Variants in ROBO1 observed in about 807,000 individuals in gnomAD.
ROBO1 encodes roundabout homolog 1.
ROBO1 carries 149 observed loss-of-function variants against 195.9 expected under a neutral mutation model. That is an observed-to-expected ratio of 0.76 (90% CI 0.67 to 0.87). The LOEUF (loss-of-function observed/expected upper bound fraction) is 0.87, where lower values mean the gene tolerates loss of function less well. Among genes scored for constraint, ROBO1 ranks in the 40% least tolerant of loss-of-function variants. The pLI is 0.00. For missense variants in ROBO1, 1,933 were observed against 2,068.3 expected (o/e 0.93, Z 1.27); for synonymous variants, 816 against 733.2 (o/e 1.11, Z -1.82).
chr3:78,714,649 A>C, intron 7 of ROBO1, 125 bp from the exon 8 acceptor site: 1 of 842,110 alleles, frequency 1.2e-6, no homozygotes, highest in Non-Finnish European at 1.7e-6. Context: ...AAAGAGTAAA[A>C]CATGGTATTC....
intron 4 of ROBO1, among the ~76,000 whole-genome samples, chr3:78,748,714 G>T (rs2082718416): frequency 6.6e-6 from 1 of 151,412 alleles, no homozygotes; most frequent in Non-Finnish European, 1.5e-5. Context: ...GTATCCATTC[G>T]AGTAAGTTAT....
At chr3:79,096,093 A>T (rs1011200662) in intron 3 of ROBO1, among the ~76,000 whole-genome samples, 4 of 152,048 alleles carry the variant, frequency 2.6e-5, no homozygotes, top group African/African-American at 9.7e-5. Context: ...CCTTAAAAGA[A>T]GGAATTTTAG....
chr3:79,080,253 G>A (rs962956994), intron 3 of ROBO1, among the ~76,000 whole-genome samples: 3 of 151,466 alleles, frequency 2.0e-5, no homozygotes, highest in South Asian at 2.1e-4. Flanking sequence ...TTTCAGTTAC[G>A]TTGTTTTGGT....
chr3:79,512,110 T>C (rs1243719661), intron 2 of ROBO1, among the ~76,000 whole-genome samples: 2 of 152,152 alleles, frequency 1.3e-5, no homozygotes, highest in African/African-American at 2.4e-5. Context: ...GATAGTAATG[T>C]CTACACATCG....
At chr3:79,139,786 C>T (rs2080485935) in intron 2 of ROBO1, among the ~76,000 whole-genome samples, 2 of 152,098 alleles carry the variant, frequency 1.3e-5, no homozygotes, top group African/African-American at 4.8e-5. Context: ...CCCACTTTGC[C>T]CTGGTATTCA....
At chr3:78,677,625 T>G (rs1575910556) in intron 10 of ROBO1, among the ~76,000 whole-genome samples, 1 of 151,442 alleles carries the variant, frequency 6.6e-6, no homozygotes, top group South Asian at 2.1e-4. Flanking sequence ...AGGAGCTAAC[T>G]ATCCTAAATA....
intron 4 of ROBO1, among the ~76,000 whole-genome samples, chr3:78,765,721 C>G (rs371917492): frequency 6.6e-5 from 10 of 152,150 alleles, no homozygotes; most frequent in African/African-American, 2.4e-4. Context: ...CTCATTTTAT[C>G]GTGCACTTTA....
At chr3:78,815,835 A>G (rs1185303459) in intron 4 of ROBO1, among the ~76,000 whole-genome samples, 1 of 152,132 alleles carries the variant, frequency 6.6e-6, no homozygotes, top group East Asian at 1.9e-4. Context: ...ACTTCCTCCA[A>G]TGAAGTTTTA....
At chr3:79,590,252 C>T (rs999916947) in intron 1 of ROBO1, among the ~76,000 whole-genome samples, 1 of 151,508 alleles carries the variant, frequency 6.6e-6, no homozygotes, top group Non-Finnish European at 1.5e-5. Flanking sequence ...GTGATTTTTG[C>T]TTTGATTTCC....
chr3:79,526,039 A>T (rs1192181383), intron 2 of ROBO1, among the ~76,000 whole-genome samples: 1 of 152,204 alleles, frequency 6.6e-6, no homozygotes, highest in Non-Finnish European at 1.5e-5. Context: ...TCTTAGAGAT[A>T]ATTTCCAAAG....
intron 1 of ROBO1, among the ~76,000 whole-genome samples, chr3:79,658,260 A>C (rs938028610): frequency 9.9e-5 from 15 of 152,234 alleles, no homozygotes; most frequent in Non-Finnish European, 2.1e-4. Flanking sequence ...TACATTTTGA[A>C]GGAATAATTT....
At chr3:79,446,920 T>A (rs1024520989) in intron 2 of ROBO1, among the ~76,000 whole-genome samples, 3 of 151,862 alleles carry the variant, frequency 2.0e-5, no homozygotes, top group African/African-American at 7.3e-5. Context: ...GCCTCCCGGG[T>A]TCAAGCAATT....
Position 78,956,300 on chromosome 3 carries a change from G to T in ROBO1, c.173-17373C>A, listed in dbSNP as rs534382689. ...ACATATACAACATTTAATGCAAAAA[G>T]ATTAGAATACCCCAAATTTTCCTAA... On this transcript the variant is annotated intron_variant, in intron 3 of 30. Transcript: ENST00000464233. Among the ~76,000 whole-genome samples the T allele has an allele frequency of 2.0e-5, 3 of 152,046 alleles. No individual in the cohort carries two copies. In the South Asian group the frequency reaches 6.2e-4, roughly 32 times the overall value.
intron 3 of ROBO1, among the ~76,000 whole-genome samples, chr3:79,061,320 A>G (rs912893517): frequency 4.6e-5 from 7 of 152,160 alleles, no homozygotes; most frequent in African/African-American, 1.7e-4. Flanking sequence ...CTTCAAGGAG[A>G]ACTATAAACC....
intron 3 of ROBO1, among the ~76,000 whole-genome samples, chr3:78,947,961 A>C (rs947681188): frequency 6.6e-6 from 1 of 152,230 alleles, no homozygotes; most frequent in Non-Finnish European, 1.5e-5. Flanking sequence ...CATCCTCCCA[A>C]GACTAAACCA....
intron 2 of ROBO1, among the ~76,000 whole-genome samples, chr3:79,511,940 G>T (rs531977699): frequency 1.3e-5 from 2 of 152,218 alleles, no homozygotes; most frequent in South Asian, 4.1e-4. Flanking sequence ...GGTGAGAGGA[G>T]GGAGAGAATC....
chr3:79,472,367 G>A (rs1938327607), intron 2 of ROBO1, among the ~76,000 whole-genome samples: 1 of 152,072 alleles, frequency 6.6e-6, no homozygotes. Flanking sequence ...GCCCATCCAA[G>A]AATCTAGGGT....
intron 1 of ROBO1, among the ~76,000 whole-genome samples, chr3:79,719,638 G>A (rs1702619984): frequency 6.6e-6 from 1 of 152,038 alleles, no homozygotes; most frequent in Non-Finnish European, 1.5e-5. Context: ...ATGTAATTTT[G>A]AGGTTATGTC....
At chr3:79,238,808 G>A (rs1469015950) in intron 2 of ROBO1, among the ~76,000 whole-genome samples, 1 of 152,120 alleles carries the variant, frequency 6.6e-6, no homozygotes, top group Admixed American at 6.5e-5. Context: ...TCTCAAAGTT[G>A]TTTCTCTTTC....
Sources: allele counts gnomAD v4.1 joint callset (sites outside exome capture counted in the v4.1 genomes callset), GRCh38; gene constraint gnomAD v4.1.1; transcripts MANE v1.5; gene names NCBI Gene and HGNC (gene_info 2026-07-23, HGNC 2026-07-21).